Variants in CELF2 observed in about 807,000 individuals in gnomAD.
The protein encoded by CELF2 is CUG triplet repeat RNA-binding protein 2.
A neutral mutation model predicts 62.6 loss-of-function variants in CELF2; 8 were observed. The ratio of observed to expected loss-of-function variants is 0.13; its 90% CI spans 0.07 to 0.23. The LOEUF (loss-of-function observed/expected upper bound fraction) is 0.23. Among genes scored for constraint, CELF2 ranks in the 10% least tolerant of loss-of-function variants. The pLI is 1.00. For synonymous variants in CELF2, 258 were observed against 250.0 expected (o/e 1.03, Z -0.30); for missense variants, 333 against 671.0 (o/e 0.50, Z 5.56).
At chr10:10,697,695 A>G in the CELF2 span, among the ~76,000 whole-genome samples, 1 of 152,116 alleles carries the variant, frequency 6.6e-6, no homozygotes, top group African/African-American at 2.4e-5. Flanking sequence ...TTTTATAAAG[A>G]CATGAATCTC....
At position 11,117,660 on chromosome 10, in the gene CELF2, A is replaced by G. The variant is rs917946645; in HGVS notation, c.75-47826A>G. Among the ~76,000 whole-genome samples the G allele has an allele frequency of 5.3e-5, 8 of 152,238 alleles. No homozygotes were observed. The highest frequency in any genetic ancestry group is 1.4e-4 in the African/African-American group (6 of 41,454). ...ATCCTTGCTGACATTAAAATGGAGCAGTGGTCTCCATTCCAGGTGATGAAT... is the reference window on the plus strand; with the variant it reads ...ATCCTTGCTGACATTAAAATGGAGCGGTGGTCTCCATTCCAGGTGATGAAT... On this transcript the variant is annotated intron_variant, in intron 1 of 12. Transcript: ENST00000633077. This position sits in a 1 kb window ranked among gnomAD's most constrained non-coding sequence, Gnocchi z 4.1.
chr10:10,659,040 C>T, the CELF2 span, among the ~76,000 whole-genome samples: 1 of 152,130 alleles, frequency 6.6e-6, no homozygotes, highest in Non-Finnish European at 1.5e-5. Flanking sequence ...AAATGCTTCA[C>T]AATTGTTTGA....
the CELF2 span, among the ~76,000 whole-genome samples, chr10:10,579,382 C>T: frequency 1.3e-5 from 2 of 152,150 alleles, no homozygotes; most frequent in Non-Finnish European, 2.9e-5. Flanking sequence ...GGGATGGAGG[C>T]TCTGTGATAA....
At chr10:10,926,557 T>C (rs1200191068) in intron 2 of CELF2, among the ~76,000 whole-genome samples, 3 of 152,218 alleles carry the variant, frequency 2.0e-5, no homozygotes, top group African/African-American at 7.2e-5. Flanking sequence ...TGGTACACCG[T>C]CTGCCATCTT....
At chr10:10,536,680 G>A in the CELF2 span, among the ~76,000 whole-genome samples, 1 of 152,334 alleles carries the variant, frequency 6.6e-6, no homozygotes, top group South Asian at 2.1e-4. Flanking sequence ...TCTGTGAAAA[G>A]AGTTTGATGA....
the CELF2 span, among the ~76,000 whole-genome samples, chr10:10,753,316 TG>T: frequency 6.6e-6 from 1 of 151,922 alleles, no homozygotes; most frequent in Admixed American, 6.6e-5. Flanking sequence ...TGTGTGTGTG[TG>T]TGTGTGTGTG....
chr10:11,246,012 C>T lies in CELF2; in HGVS notation c.355-3141C>T, dbSNP rs150880282. 4.6e-5 allele frequency among the ~76,000 whole-genome samples: 7 copies of T among 152,242 alleles called. No homozygotes were observed. The East Asian group carries it at 9.6e-4, about 21-fold the overall frequency. ...ACTTATTCCCTTCATACCTGTCAGC[C>T]GAGAGCACTGACTGCGTGATTTCCA... On this transcript the variant is annotated intron_variant, in intron 3 of 12. Coordinates refer to ENST00000633077, the MANE Select transcript of CELF2 (RefSeq NM_001326342.2). The surrounding 1 kb of genome is among the most constrained non-coding windows in gnomAD (Gnocchi z 4.6).
At chr10:10,908,574 T>A (rs1248635771) in intron 1 of CELF2, among the ~76,000 whole-genome samples, 1 of 152,126 alleles carries the variant, frequency 6.6e-6, no homozygotes, top group Non-Finnish European at 1.5e-5. Flanking sequence ...GGAAATAGGT[T>A]CTTTATCTTC....
In CELF2 at chr10:10,938,487, C is replaced by T. The variant is rs1256026443; in HGVS notation, c.89+18488C>T. Among the ~76,000 whole-genome samples the T allele has an allele frequency of 6.6e-6, 1 of 152,154 alleles. No individual in the cohort carries two copies. The highest frequency in any genetic ancestry group is 1.5e-5 in the Non-Finnish European group (1 of 68,050). On this transcript the variant is annotated intron_variant, in intron 2 of 13. Coordinates refer to the CELF2 transcript ENST00000636488. This position sits in a 1 kb window ranked among gnomAD's most constrained non-coding sequence, Gnocchi z 4.2. ...ATGAACATTTTATGGATTTTTGTGA[C>T]ACTGAGGGATATGTTAAAATACCAT...
chr10:11,080,643 T>C (rs2141373214), intron 1 of CELF2, among the ~76,000 whole-genome samples: 2 of 152,360 alleles, frequency 1.3e-5, no homozygotes, highest in South Asian at 4.1e-4. Flanking sequence ...AGATAATTGG[T>C]GCATGACAGT....
intron 2 of CELF2, among the ~76,000 whole-genome samples, chr10:10,958,574 A>G (rs1036593333): frequency 1.3e-5 from 2 of 152,198 alleles, no homozygotes; most frequent in Admixed American, 1.3e-4. Flanking sequence ...ACCAACAAAG[A>G]TGGCTGGGCA....
intron 2 of CELF2, among the ~76,000 whole-genome samples, chr10:11,186,086 C>T (rs1274222232): frequency 1.3e-5 from 2 of 152,090 alleles, no homozygotes; most frequent in African/African-American, 2.4e-5. Context: ...TGTCCATTTA[C>T]CCTACGTGGT....
At chr10:11,136,532 AG>A (rs1378367287) in intron 1 of CELF2, among the ~76,000 whole-genome samples, 1 of 152,184 alleles carries the variant, frequency 6.6e-6, no homozygotes, top group Non-Finnish European at 1.5e-5. Flanking sequence ...TTAACCTGGG[AG>A]GCGGAGGTTG....
intron 1 of CELF2, among the ~76,000 whole-genome samples, chr10:11,027,334 C>T (rs1484572920): frequency 6.6e-6 from 1 of 152,174 alleles, no homozygotes; most frequent in Admixed American, 6.5e-5. Context: ...CCGAAAGTTG[C>T]CGCCAGCATC....
chr10:11,193,381 T>C (rs1192527562), intron 2 of CELF2, among the ~76,000 whole-genome samples: 1 of 152,240 alleles, frequency 6.6e-6, no homozygotes, highest in Non-Finnish European at 1.5e-5. Context: ...TCTGTGAATG[T>C]GTAGAGAATA....
chr10:11,291,779 A>C (rs1002057293), intron 9 of CELF2, among the ~76,000 whole-genome samples: 1 of 152,196 alleles, frequency 6.6e-6, no homozygotes, highest in Non-Finnish European at 1.5e-5. Context: ...AATTGTCTAG[A>C]AGGGGTGTAG....
the CELF2 span, among the ~76,000 whole-genome samples, chr10:10,624,042 T>C: frequency 1.4e-3 from 218 of 152,314 alleles, 2 homozygotes; most frequent in African/African-American, 4.8e-3. Flanking sequence ...CTTCTGCTCT[T>C]GTCTCTGCGT....
chr10:10,748,769 AAAAAG>A, the CELF2 span, among the ~76,000 whole-genome samples: 97 of 151,524 alleles, frequency 6.4e-4, no homozygotes, highest in African/African-American at 2.3e-3. Flanking sequence ...AAAAAAAAAA[AAAAAG>A]AATTCTCTCT....
chr10:10,709,374 C>T, the CELF2 span, among the ~76,000 whole-genome samples: 1 of 152,174 alleles, frequency 6.6e-6, no homozygotes, highest in Non-Finnish European at 1.5e-5. Flanking sequence ...AACTTCTTAG[C>T]ATTCTTGTAT....
Sources: gnomAD v4.1 joint callset for allele counts (sites outside exome capture counted in the v4.1 genomes callset) on GRCh38, gnomAD v4.1.1 for gene constraint, Gnocchi (gnomAD v3.1) non-coding constraint, MANE v1.5 for transcripts, NCBI Gene and HGNC (gene_info 2026-07-23, HGNC 2026-07-21) for gene names.